The following TMEM221 variants were observed in gnomAD, a reference collection of about 807,000 sequenced individuals.
TMEM221 encodes the protein transmembrane protein 221.
A neutral mutation model predicts 10.2 loss-of-function variants in TMEM221; 11 were observed. That is an observed-to-expected ratio of 1.08 (90% confidence interval 0.68 to 1.79). The LOEUF (loss-of-function observed/expected upper bound fraction) is 1.79, where lower values mean the gene tolerates loss of function less well. Ranked by LOEUF, TMEM221 falls within the 40% of genes most tolerant of loss-of-function variation. The pLI, the probability that TMEM221 is intolerant of heterozygous loss-of-function variation, is 0.00. For missense variants in TMEM221, 382 were observed against 417.7 expected (o/e 0.91, Z 0.75); for synonymous variants, 172 against 199.8 (o/e 0.86, Z 1.18).
rs2074908462 is a variant in TMEM221, at chr19:17,436,460, A to C, written c.874T>G (p.Ter292GlyextTer4). The change falls in exon 3 of 3, where the codon TGA becomes GGA. Residue 292 changes from the stop codon to glycine, a stop_lost. Transcript: ENST00000341130. ...GSMGKDSTLV[*>G] is the part of the protein sequence containing the mutation. ...GTCTCTATTCCTCATCCCTGGGCTCACACCAGTGTGGAGTCCTTCCCCATG... is the reference window on the plus strand; with the variant it reads ...GTCTCTATTCCTCATCCCTGGGCTCCCACCAGTGTGGAGTCCTTCCCCATG... 6.6e-7 allele frequency: 1 copy of C among 1,508,624 alleles called. No individual in the cohort carries two copies. Among genetic ancestry groups the C allele is most frequent in the African/African-American group, 1.4e-5 (1 of 72,654 alleles). The allele number at this position is 1,508,624 out of a possible 1,614,324, so 93.5% of individuals were successfully genotyped here.
rs1568396176 is a variant in TMEM221 at position 17,436,432 on chromosome 19, C to T, written c.*26G>A. 1 of 1,464,904 alleles carries T rather than the reference C, an allele frequency of 6.8e-7. No homozygotes were observed. The highest frequency in any genetic ancestry group is 9.0e-7 in the Non-Finnish European group (1 of 1,105,180). The allele number at this position is 1,464,904 out of a possible 1,614,324, so 90.7% of individuals were successfully genotyped here. A position where few individuals can be genotyped will look rare whatever the true frequency, so the allele number is the denominator to read the frequency against. ...TCTCTATGGTATCCTTTTCTTACAC[C>T]AGGTCTCTATTCCTCATCCCTGGGC... On this transcript the variant is annotated 3_prime_UTR_variant, in exon 3 of 3. Transcript: ENST00000341130.
Position 17,448,308 on chromosome 19 carries a change from T to A in TMEM221, c.155A>T (p.Glu52Val). The change falls in exon 1 of 3, where the codon GAG becomes GTG. Residue 52 changes from glutamate (E) to valine (V), a missense_variant. Coordinates refer to ENST00000341130, the MANE Select transcript of TMEM221 (RefSeq NM_001190844.2). The surrounding 1 kb of genome is among the most constrained non-coding windows in gnomAD (Gnocchi z 4.7). ...RGLRAEGLGQELGAGPGLPED... is the reference protein window; with the variant it reads ...RGLRAEGLGQVLGAGPGLPED... ...TGGCAGCCCGGGGCCGGCGCCCAGC[T>A]CCTGGCCCAGCCCCTCGGCGCGCAG... 1 of 1,248,570 alleles carries A rather than the reference T, an allele frequency of 8.0e-7. No homozygotes were observed. The highest frequency in any genetic ancestry group is 1.0e-6 in the Non-Finnish European group (1 of 997,384). The allele number at this position is 1,248,570 out of a possible 1,614,324, so 77.3% of individuals were successfully genotyped here.
chr19:17,439,323 G>A (rs538392125), intron 2 of TMEM221, among the ~76,000 whole-genome samples: 21 of 152,088 alleles, frequency 1.4e-4, no homozygotes, highest in African/African-American at 4.3e-4. Context: ...GGAAAACATC[G>A]TTCTGAGTGA....
At chr19:17,437,394 G>A (rs1278016913) in intron 2 of TMEM221, among the ~76,000 whole-genome samples, 1 of 152,188 alleles carries the variant, frequency 6.6e-6, no homozygotes, top group African/African-American at 2.4e-5. Context: ...GAGGTCCTGA[G>A]GTGGAAACAC....
At chr19:17,439,453 C>G (rs779084224) in intron 2 of TMEM221, among the ~76,000 whole-genome samples, 3 of 151,830 alleles carry the variant, frequency 2.0e-5, no homozygotes, top group Non-Finnish European at 4.4e-5. Flanking sequence ...TTTGGGAGGC[C>G]GAGGTGGGTG....
At chr19:17,438,086 AT>A (rs71162128) in intron 2 of TMEM221, among the ~76,000 whole-genome samples, 40,593 of 113,706 alleles carry the variant, frequency 0.36, 6,806 homozygotes, top group African/African-American at 0.47. Flanking sequence ...TGCCTGGCTA[AT>A]TTTTTTTTTT....
Position 17,436,483 on chromosome 19 carries a change from A to G in TMEM221, c.851T>C (p.Met284Thr), listed in dbSNP as rs4808641. 0.94 allele frequency: 1,437,144 copies of G among 1,527,508 alleles called. 677,303 individuals carry two copies. Among genetic ancestry groups the G allele is most frequent in the African/African-American group, 0.97 (70,555 of 73,014 alleles). The allele number at this position is 1,527,508 out of a possible 1,614,324, so 94.6% of individuals were successfully genotyped here. A position where few individuals can be genotyped will look rare whatever the true frequency, so the allele number is the denominator to read the frequency against. ...RRMLGHRPGS[M>T]GKDSTLV Reference sequence around the variant, plus strand: ...TCACACCAGTGTGGAGTCCTTCCCCATGCTCCCTGGTCTGTGGCCCAGCAT... The same window carrying G: ...TCACACCAGTGTGGAGTCCTTCCCCGTGCTCCCTGGTCTGTGGCCCAGCAT... The change falls in exon 3 of 3, where the codon ATG (methionine) becomes ACG (threonine). Residue 284 changes from methionine to threonine, a missense_variant. Met to Thr is a moderately conservative substitution (Grantham distance 81, BLOSUM62 -1). Transcript: ENST00000341130.
Position 17,448,311 on chromosome 19 carries a change from T to C in TMEM221, c.152A>G (p.Gln51Arg). ...LRGLRAEGLG[Q>R]ELGAGPGLPE... The stretch of plus-strand genomic sequence containing the variant: ...CAGCCCGGGGCCGGCGCCCAGCTCC[T>C]GGCCCAGCCCCTCGGCGCGCAGCCC... Residue 51 changes from glutamine (Q) to arginine (R), a missense_variant, in exon 1 of 3, where the codon CAG becomes CGG. Gln to Arg is a conservative substitution (Grantham distance 43). Coordinates refer to ENST00000341130, the MANE Select transcript of TMEM221 (RefSeq NM_001190844.2). The surrounding 1 kb of genome is among the most constrained non-coding windows in gnomAD (Gnocchi z 4.7). 1.6e-6 allele frequency: 2 copies of C among 1,249,130 alleles called. No individual in the cohort carries two copies. Among genetic ancestry groups the C allele is most frequent in the Non-Finnish European group, 2.0e-6 (2 of 997,536 alleles). 77.4% of individuals were successfully genotyped at this position (1,249,130 alleles called of 1,614,324 possible). A position where few individuals can be genotyped will look rare whatever the true frequency, so the allele number is the denominator to read the frequency against.
At chr19:17,442,318 C>T (rs2074934947) in intron 2 of TMEM221, among the ~76,000 whole-genome samples, 1 of 151,818 alleles carries the variant, frequency 6.6e-6, no homozygotes, top group Non-Finnish European at 1.5e-5. Context: ...TGTGCAATGG[C>T]ACAATCTCGG....
intron 2 of TMEM221, among the ~76,000 whole-genome samples, chr19:17,443,445 T>A (rs778243589): frequency 1.3e-5 from 2 of 151,400 alleles, no homozygotes; most frequent in Non-Finnish European, 2.9e-5. Context: ...CCCACCTCAG[T>A]CTCCCGAGTA....
intron 2 of TMEM221, among the ~76,000 whole-genome samples, chr19:17,442,157 A>T (rs549423420): frequency 6.6e-6 from 1 of 152,306 alleles, no homozygotes; most frequent in African/African-American, 2.4e-5. Flanking sequence ...GTGCTTACAG[A>T]TAGAGGCATC....
chr19:17,448,544 G>C lies in TMEM221; in HGVS notation c.-82C>G, dbSNP rs1252714306. 1 of 1,137,782 alleles carries C rather than the reference G, an allele frequency of 8.8e-7. No individual in the cohort carries two copies. Among genetic ancestry groups the C allele is most frequent in the Admixed American group, 3.8e-5 (1 of 26,370 alleles). The allele number at this position is 1,137,782 out of a possible 1,614,324, so 70.5% of individuals were successfully genotyped here. A position where few individuals can be genotyped will look rare whatever the true frequency, so the allele number is the denominator to read the frequency against. ...GCAGGGGAGTTGGGGGGAATCCGAG[G>C]GTCCTCAGGGGGTCCCCGAGGGGGC... is the stretch of plus-strand genomic sequence containing the variant. On this transcript the variant is annotated 5_prime_UTR_variant, in exon 1 of 3. Transcript: ENST00000341130. The surrounding 1 kb of genome is among the most constrained non-coding windows in gnomAD (Gnocchi z 4.7).
intron 1 of TMEM221, among the ~76,000 whole-genome samples, 169 bp from the exon 2 acceptor site, chr19:17,445,453 T>C (rs2074949283): frequency 6.6e-6 from 1 of 152,096 alleles, no homozygotes; most frequent in South Asian, 2.1e-4. Flanking sequence ...GCCCACCCAT[T>C]TACATCCATT....
intron 2 of TMEM221, among the ~76,000 whole-genome samples, chr19:17,440,934 G>T (rs1018109165): frequency 6.6e-6 from 1 of 152,140 alleles, no homozygotes; most frequent in Non-Finnish European, 1.5e-5. Flanking sequence ...GGGACCGGGC[G>T]TGGTGGCTCA....
At chr19:17,442,640 A>G (rs1334069353) in intron 2 of TMEM221, among the ~76,000 whole-genome samples, 5 of 151,658 alleles carry the variant, frequency 3.3e-5, no homozygotes, top group Non-Finnish European at 5.9e-5. Context: ...GAGTTTCACC[A>G]TGTTGCCCAG....
intron 2 of TMEM221, among the ~76,000 whole-genome samples, chr19:17,438,595 C>CTTT (rs567618962): frequency 1.6e-5 from 2 of 127,816 alleles, no homozygotes; most frequent in Admixed American, 7.9e-5. Flanking sequence ...CCTGCTCTAT[C>CTTT]TTTTTTTTTT....
At chr19:17,440,006 T>C (rs917612201) in intron 2 of TMEM221, among the ~76,000 whole-genome samples, 3 of 151,938 alleles carry the variant, frequency 2.0e-5, no homozygotes, top group African/African-American at 4.8e-5. Context: ...TCAGGTGACA[T>C]AGGGAGACCA....
intron 2 of TMEM221, among the ~76,000 whole-genome samples, chr19:17,439,374 T>C (rs2074922674): frequency 6.6e-6 from 1 of 151,804 alleles, no homozygotes; most frequent in African/African-American, 2.4e-5. Context: ...TGAGGTGTCA[T>C]TGATCTGAAA....
In TMEM221 at chr19:17,448,329, C is replaced by A. The variant is rs2074961186; in HGVS notation, c.134G>T (p.Arg45Leu). The A allele has an allele frequency of 1.6e-6, 2 of 1,286,484 alleles. No homozygotes were observed. Among genetic ancestry groups the A allele is most frequent in the Non-Finnish European group, 2.0e-6 (2 of 1,018,226 alleles). The allele number at this position is 1,286,484 out of a possible 1,614,324, so 79.7% of individuals were successfully genotyped here. ...CAGCTCCTGGCCCAGCCCCTCGGCG[C>A]GCAGCCCCCGCAGCTCGGCGCGGCC... Reference protein sequence around the residue: ...QAGRAELRGLRAEGLGQELGA... With the variant: ...QAGRAELRGLLAEGLGQELGA... The change falls in exon 1 of 3, where the codon CGC (arginine) becomes CTC (leucine). Residue 45 changes from arginine (R) to leucine (L), a missense_variant. Coordinates refer to ENST00000341130, the MANE Select transcript of TMEM221 (RefSeq NM_001190844.2). The surrounding 1 kb of genome is among the most constrained non-coding windows in gnomAD (Gnocchi z 4.7).
Sources: gnomAD v4.1 joint callset for allele counts (sites outside exome capture counted in the v4.1 genomes callset) on GRCh38, gnomAD v4.1.1 for gene constraint, Gnocchi (gnomAD v3.1) non-coding constraint, MANE v1.5 for transcripts, NCBI Gene and HGNC (gene_info 2026-07-23, HGNC 2026-07-21) for gene names.